CCDC22: variants seen among roughly 807,000 people sequenced by gnomAD.
The protein encoded by CCDC22 is coiled-coil domain-containing protein 22.
CCDC22 carries 4 observed loss-of-function variants against 53.1 expected under a neutral mutation model. The ratio of observed to expected loss-of-function variants is 0.08; its 90% CI spans 0.04 to 0.17. CCDC22 has a LOEUF of 0.17. CCDC22 is among the 10% of genes least tolerant of loss of function. The pLI, the probability that CCDC22 is intolerant of heterozygous loss-of-function variation, is 1.00. For synonymous variants in CCDC22, 222 were observed against 224.4 expected (o/e 0.99, Z 0.10); for missense variants, 458 against 554.0 (o/e 0.83, Z 1.74).
chrX:49,247,403 G>A (rs782152405), intron 7 of CCDC22, 93 bp from the exon 8 acceptor site: 37 of 826,750 alleles, frequency 4.5e-5, no homozygotes, highest in Middle Eastern at 4.2e-4. Context: ...CATGCATGCC[G>A]CACTGGGGGC....
At position 49,242,124 on chromosome X, in the gene CCDC22, T is replaced by A; in HGVS notation, c.337T>A (p.Ser113Thr). The part of the protein sequence containing the change: ...FLAERLPTDA[S>T]EDADQPAGDS... Reference sequence around the variant, plus strand: ...GGCTGAGCGTCTGCCCACCGATGCCTCTGAGGATGCAGACCAGCCTGCAGG... The same window carrying A: ...GGCTGAGCGTCTGCCCACCGATGCCACTGAGGATGCAGACCAGCCTGCAGG... The change falls in exon 3 of 17, where the codon TCT becomes ACT. Residue 113 changes from serine (S) to threonine (T), a missense_variant. Around this residue, in one of 4 missense-constraint regions of CCDC22, gnomAD observed 55 missense variants for 106.0 expected, o/e 0.52. Coordinates refer to ENST00000376227, the MANE Select transcript of CCDC22 (RefSeq NM_014008.5). The A allele has an allele frequency of 8.3e-7, 1 of 1,210,313 alleles. No individual in the cohort carries two copies. The highest frequency in any genetic ancestry group is 1.1e-6 in the Non-Finnish European group (1 of 895,087).
chrX:49,249,841 C>A, intron 16 of CCDC22, 116 bp downstream of exon 16: 1 of 641,064 alleles, frequency 1.6e-6, no homozygotes, highest in Non-Finnish European at 2.5e-6. Flanking sequence ...CCAGCCCTGC[C>A]CCTTAGTGCC....
In CCDC22 at chrX:49,242,953, C is replaced by T. The variant is rs2065971311; in HGVS notation, c.429C>T (p.Val143=). 3 of 1,164,623 alleles carry T rather than the reference C, an allele frequency of 2.6e-6. No homozygotes were observed. Among genetic ancestry groups the T allele is most frequent in the Admixed American group, 2.5e-5 (1 of 40,304 alleles). Residue 143 remains valine (V), a synonymous_variant, in exon 4 of 17, where the codon GTC becomes GTT. Coordinates refer to ENST00000376227, the MANE Select transcript of CCDC22 (RefSeq NM_014008.5). ...QIRDQLALPW[V]PPHLRTPKLQ... ...GGGACCAGCTGGCACTGCCTTGGGTCCCGCCCCACCTTCGCACTCCCAAGC... is the reference window on the plus strand; with the variant it reads ...GGGACCAGCTGGCACTGCCTTGGGTTCCGCCCCACCTTCGCACTCCCAAGC...
At chrX:49,246,677 T>C (rs2065991181) in intron 6 of CCDC22, 54 bp from the exon 7 acceptor site, 2 of 1,029,209 alleles carry the variant, frequency 1.9e-6, no homozygotes, top group African/African-American at 1.9e-5. Context: ...GGCAGGGCCT[T>C]GGGTGCTAGG....
chrX:49,242,377 G>A (rs1012236483), intron 3 of CCDC22: 7 of 732,713 alleles, frequency 9.6e-6, no homozygotes, highest in Non-Finnish European at 9.7e-6. Flanking sequence ...GCGGGGAGGG[G>A]CCTCCCTGAC....
In CCDC22 at chrX:49,242,064, A is replaced by G; in HGVS notation, c.277A>G (p.Ser93Gly). The change falls in exon 3 of 17, where the codon AGT (serine) becomes GGT (glycine). Residue 93 changes from serine to glycine, a missense_variant. Physicochemically the swap from Ser to Gly is moderately conservative, Grantham distance 56. Coordinates refer to ENST00000376227, the MANE Select transcript of CCDC22 (RefSeq NM_014008.5). Reference protein sequence around the residue: ...ELGYQNFLYPSEPDLRDLLLF... With the variant: ...ELGYQNFLYPGEPDLRDLLLF... ...TGGCTATCAGAACTTCCTCTACCCC[A>G]GTGAGCCTGACCTCCGAGACCTGCT... 1 of 1,210,014 alleles carries G rather than the reference A, an allele frequency of 8.3e-7. No individual in the cohort carries two copies. The highest frequency in any genetic ancestry group is 1.1e-6 in the Non-Finnish European group (1 of 894,780).
rs782459303 is a variant in CCDC22 at position 49,248,236 on chromosome X, G to A, written c.1138G>A (p.Glu380Lys). 1 of 1,206,430 alleles carries A rather than the reference G, an allele frequency of 8.3e-7. No individual in the cohort carries two copies. The highest frequency in any genetic ancestry group is 1.7e-5 in the African/African-American group (1 of 57,617). The stretch of plus-strand genomic sequence containing the variant: ...CAGCAAGCTCAGTACAGCAGAGCGT[G>A]AGCAGGCCCTGCGCCTGAAGAGCCG... ...RHSKLSTAER[E>K]QALRLKSRAV... The change falls in exon 10 of 17, where the codon GAG becomes AAG. Residue 380 changes from glutamate to lysine, a missense_variant. Glu to Lys is a moderately conservative substitution (Grantham distance 56, BLOSUM62 1). Around this residue, in one of 4 missense-constraint regions of CCDC22, gnomAD observed 309 missense variants for 312.3 expected, o/e 0.99. Coordinates refer to ENST00000376227, the MANE Select transcript of CCDC22 (RefSeq NM_014008.5).
chrX:49,250,094 G>T, intron 16 of CCDC22, 54 bp from the exon 17 acceptor site: 1 of 746,441 alleles, frequency 1.3e-6, no homozygotes, highest in East Asian at 3.5e-5. Context: ...TGGTGAGCAG[G>T]AGCTGGGAAA....
chrX:49,238,167 G>C (rs909485525), intron 2 of CCDC22, among the ~76,000 whole-genome samples: 1 of 103,300 alleles, frequency 9.7e-6, no homozygotes, highest in African/African-American at 3.6e-5. Flanking sequence ...TGCAACCTCT[G>C]TCTCCTGGGT....
In CCDC22 at chrX:49,249,677, C is replaced by G; in HGVS notation, c.1722C>G (p.Ile574Met). The stretch of plus-strand genomic sequence containing the variant: ...ACTGCAGCCAGCTCATCCAGACCAT[C>G]GAGGACACAGGCACCATCATGCGGG... ...HENCSQLIQT[I>M]EDTGTIMREV... The change falls in exon 16 of 17, where the codon ATC becomes ATG. Residue 574 changes from isoleucine to methionine, a missense_variant. By Grantham distance (10) the Ile-to-Met change is conservative. Coordinates refer to ENST00000376227, the MANE Select transcript of CCDC22 (RefSeq NM_014008.5). The G allele has an allele frequency of 8.3e-7, 1 of 1,210,258 alleles. No homozygotes were observed.
At chrX:49,235,864 C>CACACAG (rs2065935645) in intron 1 of CCDC22, among the ~76,000 whole-genome samples, 178 bp downstream of exon 1, 29 of 106,780 alleles carry the variant, frequency 2.7e-4, no homozygotes, top group Non-Finnish European at 4.5e-4. Context: ...CACACACACA[C>CACACAG]GCACACACAC....
At position 49,237,595 on chromosome X, in the gene CCDC22, C is replaced by T. The variant is rs192140138; in HGVS notation, c.228+332C>T. ...AGCAAATGAGTTTATCCAGTTTGCA[C>T]CTGGGCTGCTCCTGGCTTCTATGTT... is the stretch of plus-strand genomic sequence containing the variant. On this transcript the variant is annotated intron_variant, in intron 2 of 16. Transcript: ENST00000376227. Among the ~76,000 whole-genome samples, 714 of 111,123 alleles carry T rather than the reference C, an allele frequency of 6.4e-3. 9 individuals carry two copies. The highest frequency in any genetic ancestry group is 0.022 in the African/African-American group (671 of 30,499).
At chrX:49,249,459 A>T (rs782081617) in intron 14 of CCDC22, 50 bp from the exon 15 acceptor site, 49 of 1,128,506 alleles carry the variant, frequency 4.3e-5, no homozygotes, top group Non-Finnish European at 5.4e-5. Flanking sequence ...GGGCATGGAG[A>T]TGGTCAAGGG....
At position 49,247,737 on chromosome X, in the gene CCDC22, A is replaced by T; in HGVS notation, c.1061A>T (p.Asp354Val). The T allele has an allele frequency of 2.5e-6, 3 of 1,211,003 alleles. No individual in the cohort carries two copies. The highest frequency in any genetic ancestry group is 3.4e-6 in the Non-Finnish European group (3 of 895,117). Residue 354 changes from aspartate (D) to valine (V), a missense_variant, in exon 9 of 17, where the codon GAC becomes GTC. Physicochemically the swap from Asp to Val is radical, Grantham distance 152 (BLOSUM62 -3). Around this residue, in one of 4 missense-constraint regions of CCDC22, gnomAD observed 309 missense variants for 312.3 expected, o/e 0.99. Coordinates refer to ENST00000376227, the MANE Select transcript of CCDC22 (RefSeq NM_014008.5). ...VNRSIEEVEADMKTLGVSFVQ... is the reference protein window; with the variant it reads ...VNRSIEEVEAVMKTLGVSFVQ... Reference sequence around the variant, plus strand: ...CGCAGCATTGAGGAGGTTGAGGCCGACATGAAGACCCTGGGCGTCAGCTTT... The same window carrying T: ...CGCAGCATTGAGGAGGTTGAGGCCGTCATGAAGACCCTGGGCGTCAGCTTT...
rs782818025 is a variant in CCDC22 at position 49,242,153 on chromosome X, T to C, written c.361+5T>C. ...AGGATGCAGACCAGCCTGCAGGTACTGGGTGTCTGGGGTGTGGGCGGGGGC... is the reference window on the plus strand; with the variant it reads ...AGGATGCAGACCAGCCTGCAGGTACCGGGTGTCTGGGGTGTGGGCGGGGGC... On this transcript the variant is annotated splice_donor_5th_base_variant and intron_variant, in intron 3 of 16. Transcript: ENST00000376227. The C allele has an allele frequency of 1.7e-5, 20 of 1,206,965 alleles. No individual in the cohort carries two copies. The African/African-American group carries it at 3.5e-4, about 21-fold the overall frequency.
At chrX:49,249,615 G>GGGGGGGGGGGGGGGGGGGGGGGGGGGA in intron 15 of CCDC22, 36 bp from the exon 16 acceptor site, 3 of 406,777 alleles carry the variant, frequency 7.4e-6, no homozygotes, top group East Asian at 7.5e-5. Context: ...GGGTGGGTGG[G>GGGGGGGGGGGGGGGGGGGGGGGGGGGA]ACTGGGTGCA....
chrX:49,242,197 C>T (rs2065967091), intron 3 of CCDC22, 49 bp downstream of exon 3: 2 of 1,201,016 alleles, frequency 1.7e-6, no homozygotes, highest in East Asian at 3.0e-5. Context: ...GAGAGGAGGG[C>T]CTTCTAGGGG....
rs1557112830 is a variant in CCDC22, at chrX:49,237,141, G to C, written c.106G>C (p.Glu36Gln). 1 of 1,210,678 alleles carries C rather than the reference G, an allele frequency of 8.3e-7. No individual in the cohort carries two copies. The highest frequency in any genetic ancestry group is 2.2e-5 in the Admixed American group (1 of 45,914). The change falls in exon 2 of 17, where the codon GAG becomes CAG. Residue 36 changes from glutamate (E) to glutamine (Q), a missense_variant. By Grantham distance (29) the Glu-to-Gln change is conservative. This residue lies in a region of CCDC22 where 55 missense variants were observed against 106.0 expected (regional missense o/e 0.52). Transcript: ENST00000376227. ...CGCCTTCACCACTGAGCTGGTTGTA[G>C]AGGCTGTGGTCCGCTGCCTGCGTGT... Reference protein sequence around the residue: ...LRAFTTELVVEAVVRCLRVIN... With the variant: ...LRAFTTELVVQAVVRCLRVIN...
At chrX:49,242,203 A>G (rs2065967116) in intron 3 of CCDC22, 55 bp downstream of exon 3, 1 of 1,198,363 alleles carries the variant, frequency 8.3e-7, no homozygotes, top group African/African-American at 1.7e-5. Context: ...AGGGCCTTCT[A>G]GGGGCTGTAG....
Sources: allele counts gnomAD v4.1 joint callset (sites outside exome capture counted in the v4.1 genomes callset), GRCh38; gene constraint gnomAD v4.1.1; regional missense constraint gnomAD v4.1.1; transcripts MANE v1.5; gene names NCBI Gene and HGNC (gene_info 2026-07-23, HGNC 2026-07-21).